Variants in CREB5 observed in about 807,000 individuals in gnomAD.
CREB5 encodes cAMP responsive element binding protein 5.
Under a neutral mutation model 57.1 loss-of-function variants are expected in CREB5, and 19 were observed. The ratio of observed to expected loss-of-function variants is 0.33; its 90% CI spans 0.23 to 0.49. The LOEUF (loss-of-function observed/expected upper bound fraction) is 0.49. CREB5 is among the 20% of genes least tolerant of loss of function. CREB5 has a pLI of 0.99. For synonymous variants in CREB5, 238 were observed against 238.3 expected, an observed-to-expected ratio of 1.00 and a Z score of 0.01; for missense variants, 579 against 671.6, an observed-to-expected ratio of 0.86 and a Z score of 1.52.
intron 3 of CREB5, among the ~76,000 whole-genome samples, chr7:28,506,514 G>A (rs1162871399): frequency 6.6e-6 from 1 of 152,182 alleles, no homozygotes; most frequent in Admixed American, 6.5e-5. Flanking sequence ...ATAGCATTGA[G>A]GCCTTGGTTA....
intron 5 of CREB5, among the ~76,000 whole-genome samples, chr7:28,595,678 G>A (rs1796669699): frequency 6.6e-6 from 1 of 152,088 alleles, no homozygotes; most frequent in Non-Finnish European, 1.5e-5. Flanking sequence ...TCACCAGCGT[G>A]GTCTTAATTT....
intron 5 of CREB5, among the ~76,000 whole-genome samples, chr7:28,655,219 G>A (rs1358542973): frequency 6.6e-6 from 1 of 152,142 alleles, no homozygotes; most frequent in Non-Finnish European, 1.5e-5. Context: ...TGTTTCTGGT[G>A]TTTATTTCTT....
intron 7 of CREB5, among the ~76,000 whole-genome samples, chr7:28,794,011 T>C (rs988235266): frequency 1.3e-5 from 2 of 152,226 alleles, no homozygotes; most frequent in African/African-American, 4.8e-5. Flanking sequence ...ACTTGAACTC[T>C]GAATTTCCTG....
chr7:28,630,919 GGTAC>G (rs1476593659), intron 5 of CREB5, among the ~76,000 whole-genome samples: 13 of 152,098 alleles, frequency 8.5e-5, no homozygotes. Context: ...AACGCTATGA[GGTAC>G]GTATGACTCT....
chr7:28,599,742 T>TTGTTC (rs1287137106), intron 5 of CREB5, among the ~76,000 whole-genome samples: 1 of 2,786 alleles, frequency 3.6e-4, no homozygotes, highest in African/African-American at 3.9e-4. Flanking sequence ...TTGTTTTGTT[T>TTGTTC]TGTTTTGTTT....
chr7:28,470,022 A>G (rs1356364262), intron 1 of CREB5, among the ~76,000 whole-genome samples: 2 of 152,342 alleles, frequency 1.3e-5, no homozygotes, highest in Non-Finnish European at 2.9e-5. Flanking sequence ...TCATCACATC[A>G]TTGAAGATGG....
At chr7:28,573,627 G>A (rs1007385305) in intron 5 of CREB5, among the ~76,000 whole-genome samples, 4 of 152,120 alleles carry the variant, frequency 2.6e-5, no homozygotes, top group East Asian at 1.9e-4. Context: ...CCAAGTTTTC[G>A]CTCTTCTCTG....
intron 7 of CREB5, among the ~76,000 whole-genome samples, chr7:28,728,349 G>T (rs1185314106): frequency 1.3e-5 from 2 of 152,182 alleles, no homozygotes; most frequent in African/African-American, 2.4e-5. Context: ...CAGTAACAAA[G>T]CTTTTGATCA....
At chr7:28,703,273 C>A (rs1250165165) in intron 5 of CREB5, among the ~76,000 whole-genome samples, 3 of 152,082 alleles carry the variant, frequency 2.0e-5, no homozygotes, top group Admixed American at 6.5e-5. Context: ...TGGATACACT[C>A]CAGGTCTATT....
intron 7 of CREB5, among the ~76,000 whole-genome samples, chr7:28,777,213 T>C (rs930609837): frequency 1.3e-5 from 2 of 152,220 alleles, no homozygotes; most frequent in South Asian, 4.1e-4. Flanking sequence ...TTGTCTTCAT[T>C]GTGGTCCTCA....
At chr7:28,745,250 G>C (rs528736546) in intron 7 of CREB5, among the ~76,000 whole-genome samples, 11 of 152,330 alleles carry the variant, frequency 7.2e-5, no homozygotes, top group Non-Finnish European at 1.3e-4. Flanking sequence ...TTGAAAGTGT[G>C]ATTGTTAACA....
intron 3 of CREB5, among the ~76,000 whole-genome samples, chr7:28,497,954 G>T (rs1792121455): frequency 1.3e-5 from 2 of 152,126 alleles, no homozygotes; most frequent in South Asian, 4.1e-4. Flanking sequence ...AACTATGTTT[G>T]TAGGCCAAAT....
At chr7:28,414,005 T>G (rs560354210) in intron 1 of CREB5, among the ~76,000 whole-genome samples, 17 of 152,274 alleles carry the variant, frequency 1.1e-4, no homozygotes, top group Admixed American at 2.6e-4. Flanking sequence ...TACTTCTTAC[T>G]AAGCTAAAAA....
chr7:28,662,095 C>A (rs915086776), intron 5 of CREB5, among the ~76,000 whole-genome samples: 1 of 152,160 alleles, frequency 6.6e-6, no homozygotes, highest in African/African-American at 2.4e-5. Context: ...GCTCTTCTAG[C>A]GGCCTAGACC....
rs562210106 is a variant in CREB5, at chr7:28,587,276, A to T, written c.464+16739A>T. On this transcript the variant is annotated intron_variant, in intron 5 of 10. Transcript: ENST00000357727. ...ACTGAAATGGTTTGCTGCTAATGAC[A>T]TTTGTCATGATTGCTGGCACCTTTT... 1.6e-4 allele frequency among the ~76,000 whole-genome samples: 25 copies of T among 152,288 alleles called. No homozygotes were observed. The South Asian group carries it at 5.0e-3, about 30-fold the overall frequency.
At chr7:28,643,229 A>G (rs1442519489) in intron 5 of CREB5, among the ~76,000 whole-genome samples, 3 of 152,184 alleles carry the variant, frequency 2.0e-5, no homozygotes, top group Non-Finnish European at 4.4e-5. Context: ...AGAGTCATAG[A>G]TCTGCCCCTG....
intron 5 of CREB5, among the ~76,000 whole-genome samples, chr7:28,717,798 T>TTTTG (rs1429639444): frequency 6.6e-6 from 1 of 152,194 alleles, no homozygotes; most frequent in East Asian, 1.9e-4. Flanking sequence ...GTTTGTTTTG[T>TTTTG]TTTGTTTGTT....
intron 1 of CREB5, among the ~76,000 whole-genome samples, chr7:28,424,862 T>C (rs1337491168): frequency 6.6e-6 from 1 of 152,252 alleles, no homozygotes; most frequent in Non-Finnish European, 1.5e-5. Flanking sequence ...TGTTGATGGA[T>C]AATTTATGTC....
chr7:28,737,562 T>A (rs867088153), intron 7 of CREB5, among the ~76,000 whole-genome samples: 5 of 110,150 alleles, frequency 4.5e-5, no homozygotes, highest in Non-Finnish European at 8.6e-5. Context: ...TATATATATA[T>A]ATATATATAT....
Sources: allele counts gnomAD v4.1 joint callset (sites outside exome capture counted in the v4.1 genomes callset), GRCh38; gene constraint gnomAD v4.1.1; transcripts MANE v1.5; gene names NCBI Gene and HGNC (gene_info 2026-07-23, HGNC 2026-07-21).